The following KSR2 variants were observed in gnomAD, a reference collection of about 807,000 sequenced individuals.
KSR2 encodes the protein kinase suppressor of ras 2.
In KSR2, 25 loss-of-function variants were observed where a neutral mutation model predicts 107.8. That is an observed-to-expected ratio of 0.23 (90% CI 0.17 to 0.32). The LOEUF (loss-of-function observed/expected upper bound fraction) is 0.32. KSR2 is among the 10% of genes least tolerant of loss of function. The pLI, the probability that KSR2 is intolerant of heterozygous loss-of-function variation, is 1.00. For missense variants in KSR2, 887 were observed against 1,268.9 expected (o/e 0.70, Z 4.57); for synonymous variants, 480 against 507.0 (o/e 0.95, Z 0.71).
intron 14 of KSR2, among the ~76,000 whole-genome samples, chr12:117,504,802 G>C (rs1282254977): frequency 1.3e-5 from 2 of 152,122 alleles, no homozygotes; most frequent in African/African-American, 4.8e-5. Flanking sequence ...GTGGTTTTTG[G>C]TTGCATGTAT....
At chr12:117,821,819 G>C (rs535693557) in intron 3 of KSR2, among the ~76,000 whole-genome samples, 5 of 152,300 alleles carry the variant, frequency 3.3e-5, no homozygotes, top group African/African-American at 9.6e-5. Context: ...GTCTCAAGGA[G>C]TCTGAAGTAT....
At chr12:117,698,949 A>G (rs1305378454) in intron 4 of KSR2, among the ~76,000 whole-genome samples, 1 of 152,130 alleles carries the variant, frequency 6.6e-6, no homozygotes, top group Admixed American at 6.5e-5. Context: ...GGCTTGCTCC[A>G]CCACTTCATT....
intron 1 of KSR2, among the ~76,000 whole-genome samples, chr12:117,896,129 C>T (rs1197196534): frequency 6.6e-6 from 1 of 152,150 alleles, no homozygotes; most frequent in East Asian, 1.9e-4. Context: ...CCCAAATGTC[C>T]ATCAACAAAT....
intron 1 of KSR2, among the ~76,000 whole-genome samples, chr12:117,862,984 C>G (rs554759923): frequency 6.6e-6 from 1 of 152,290 alleles, no homozygotes; most frequent in East Asian, 1.9e-4. Context: ...CTGCCTCAGC[C>G]TCCCAAAGTG....
chr12:117,802,470 G>C (rs1473790454), intron 3 of KSR2, among the ~76,000 whole-genome samples: 1 of 152,154 alleles, frequency 6.6e-6, no homozygotes, highest in Non-Finnish European at 1.5e-5. Flanking sequence ...CTGGGGATGA[G>C]GGCATGGGCA....
At chr12:117,593,804 T>C (rs1028435648) in intron 5 of KSR2, among the ~76,000 whole-genome samples, 6 of 152,254 alleles carry the variant, frequency 3.9e-5, no homozygotes, top group Middle Eastern at 3.2e-3. Context: ...TTTTCTTAGC[T>C]GTCTCTCTTC....
intron 1 of KSR2, among the ~76,000 whole-genome samples, chr12:117,891,981 C>CAGAGTGAGTCCCTGTCTCACA (rs1894358980): frequency 6.7e-6 from 1 of 150,116 alleles, no homozygotes; most frequent in African/African-American, 2.5e-5. Flanking sequence ...GCCTGGGTAA[C>CAGAGTGAGTCCCTGTCTCACA]AGAGTGAGAC....
chr12:117,634,595 T>C (rs1882968100), intron 5 of KSR2, among the ~76,000 whole-genome samples: 1 of 152,016 alleles, frequency 6.6e-6, no homozygotes, highest in Non-Finnish European at 1.5e-5. Flanking sequence ...CGAGGAGGAA[T>C]TGCCCTCTCG....
rs141155806 is a variant in KSR2, at chr12:117,677,898, A to G, written c.987-10240T>C. Among the ~76,000 whole-genome samples the G allele has an allele frequency of 9.3e-4, 141 of 152,284 alleles. 2 individuals carry two copies. The East Asian group carries it at 0.021, about 22-fold the overall frequency. On this transcript the variant is annotated intron_variant, in intron 4 of 19. Coordinates refer to ENST00000339824, the MANE Select transcript of KSR2 (RefSeq NM_173598.6). ...AACAACAAGCCTTGCAGGTGGTTCC[A>G]TCTCACAGATGAAGAAACCGAGTCC...
intron 14 of KSR2, among the ~76,000 whole-genome samples, chr12:117,509,021 G>A (rs997894882): frequency 6.6e-6 from 1 of 151,768 alleles, no homozygotes; most frequent in Admixed American, 6.6e-5. Context: ...AGGGGGACAG[G>A]TAAGGGGTCT....
At chr12:117,682,045 A>G (rs1885384881) in intron 4 of KSR2, among the ~76,000 whole-genome samples, 1 of 152,244 alleles carries the variant, frequency 6.6e-6, no homozygotes, top group Non-Finnish European at 1.5e-5. Context: ...TAGACTGGAT[A>G]AAGAAAATGT....
intron 3 of KSR2, among the ~76,000 whole-genome samples, chr12:117,817,219 G>A (rs373878028): frequency 7.9e-5 from 12 of 152,162 alleles, no homozygotes; most frequent in East Asian, 7.7e-4. Flanking sequence ...GTCTTCCTCC[G>A]GAAAATAAAG....
At chr12:117,662,048 G>C (rs1436040892) in intron 5 of KSR2, among the ~76,000 whole-genome samples, 6 of 152,156 alleles carry the variant, frequency 3.9e-5, no homozygotes, top group Non-Finnish European at 7.3e-5. Context: ...GTTTCTAAAA[G>C]ATGCCAGGCA....
At position 117,455,030 on chromosome 12, in the gene KSR2, C is replaced by CAGAGAGAGAGAGAGAG. The variant is rs1246200364; in HGVS notation, c.*12168_*12169insCTCTCTCTCTCTCTCT. 4.0e-3 allele frequency: 478 copies of CAGAGAGAGAGAGAGAG among 119,932 alleles called. 12 individuals carry two copies. The highest frequency in any genetic ancestry group is 0.013 in the African/African-American group (334 of 24,860). The allele number at this position is 119,932 out of a possible 1,614,324, so 7.4% of individuals were successfully genotyped here. ...AGACAGAGACAGACACAGAGACAGA[C>CAGAGAGAGAGAGAGAG]AGACAGAGAGAGAGAGAGAGAGAGA... is the stretch of plus-strand genomic sequence containing the variant. On this transcript the variant is annotated 3_prime_UTR_variant, in exon 20 of 20. Transcript: ENST00000339824.
At chr12:117,917,793 C>G (rs981553628) in intron 1 of KSR2, among the ~76,000 whole-genome samples, 2 of 152,164 alleles carry the variant, frequency 1.3e-5, no homozygotes, top group African/African-American at 4.8e-5. Context: ...GCCCCATTCT[C>G]CCCCATCACC....
chr12:117,611,735 G>C (rs1046195805), intron 5 of KSR2, among the ~76,000 whole-genome samples: 1 of 152,158 alleles, frequency 6.6e-6, no homozygotes, highest in African/African-American at 2.4e-5. Flanking sequence ...GAGAAGTAGA[G>C]ATAATTCTAA....
chr12:117,527,081 G>A lies in KSR2; in HGVS notation c.1841C>T (p.Pro614Leu), dbSNP rs1875222515. The A allele has an allele frequency of 6.2e-7, 1 of 1,613,646 alleles. No homozygotes were observed. Among genetic ancestry groups the A allele is most frequent in the African/African-American group, 1.3e-5 (1 of 75,004 alleles). ...CTCTCTGATTCTCACCTCCGACGTT[G>A]GCTCCACTTCAATTTGAAGTAATGG... ...GNPLLQIEVE[P>L]TSENEEVHDE... The change falls in exon 13 of 20, where the codon CCA (proline) becomes CTA (leucine). Residue 614 changes from proline to leucine, a missense_variant. Physicochemically the swap from Pro to Leu is moderately conservative, Grantham distance 98 (BLOSUM62 -3). Transcript: ENST00000339824.
chr12:117,728,507 G>A (rs956783966), intron 4 of KSR2, among the ~76,000 whole-genome samples: 1 of 152,174 alleles, frequency 6.6e-6, no homozygotes, highest in African/African-American at 2.4e-5. Flanking sequence ...ATTAACTTCT[G>A]AGAGGCCCCT....
intron 1 of KSR2, among the ~76,000 whole-genome samples, chr12:117,965,056 C>A (rs1244503647): frequency 1.3e-5 from 2 of 152,160 alleles, no homozygotes; most frequent in Non-Finnish European, 2.9e-5. Flanking sequence ...TCCCCACTTC[C>A]CGGGCTCCCT....
Sources: allele counts gnomAD v4.1 joint callset (sites outside exome capture counted in the v4.1 genomes callset), GRCh38; gene constraint gnomAD v4.1.1; transcripts MANE v1.5; gene names NCBI Gene and HGNC (gene_info 2026-07-23, HGNC 2026-07-21).